Variants in CNGB3 observed in about 807,000 individuals in gnomAD.
The protein encoded by CNGB3 is cyclic nucleotide gated channel subunit beta 3.
Under a neutral mutation model 92.8 loss-of-function variants are expected in CNGB3, and 86 were observed. The ratio of observed to expected loss-of-function variants is 0.93; its 90% CI spans 0.78 to 1.11. The LOEUF (loss-of-function observed/expected upper bound fraction) is 1.11. Ranked by LOEUF, CNGB3 falls within the 50% of genes least tolerant of loss-of-function variation. The pLI is 0.00. For synonymous variants in CNGB3, 333 were observed against 332.7 expected (o/e 1.00, Z -0.01); for missense variants, 1,026 against 956.8 (o/e 1.07, Z -0.95).
Position 86,720,193 on chromosome 8 carries a change from C to G in CNGB3, c.338+6338G>C, listed in dbSNP as rs528879142. ...GCTTTTGCACAGCAAAGTAAATAATCAGCAGAGTTAACAGACAACCCACAG... is the reference window on the plus strand; with the variant it reads ...GCTTTTGCACAGCAAAGTAAATAATGAGCAGAGTTAACAGACAACCCACAG... On this transcript the variant is annotated intron_variant, in intron 3 of 17. Transcript: ENST00000320005. Among the ~76,000 whole-genome samples the G allele has an allele frequency of 9.8e-5, 15 of 152,292 alleles. No homozygotes were observed. The South Asian group carries it at 2.9e-3, about 29-fold the overall frequency.
chr8:86,692,183 A>C (rs927485663), intron 3 of CNGB3, among the ~76,000 whole-genome samples: 5 of 152,204 alleles, frequency 3.3e-5, no homozygotes, highest in Admixed American at 2.6e-4. Flanking sequence ...CGTACTTATG[A>C]AAAGAATGTA....
At position 86,578,703 on chromosome 8, in the gene CNGB3, C is replaced by A; in HGVS notation, c.2089G>T (p.Glu697Ter). The A allele has an allele frequency of 6.2e-7, 1 of 1,613,998 alleles. No homozygotes were observed. The highest frequency in any genetic ancestry group is 1.1e-5 in the South Asian group (1 of 91,070). Residue 697 changes from glutamate (E) to a stop codon, truncating the protein, a stop_gained, in exon 17 of 18, where the codon GAG becomes TAG. Transcript: ENST00000320005. LOFTEE classifies it low-confidence loss of function (END_TRUNC). ...SLARLLKLKR[E>*]QAAQKKENSE... Reference sequence around the variant, plus strand: ...CACCTTATTACCTGAGCTGCTTGCTCTCGCTTCAATTTGAGTAGTCTTGCA... The same window carrying A: ...CACCTTATTACCTGAGCTGCTTGCTATCGCTTCAATTTGAGTAGTCTTGCA...
chr8:86,664,766 C>G (rs886160286), intron 6 of CNGB3, among the ~76,000 whole-genome samples: 3 of 151,990 alleles, frequency 2.0e-5, no homozygotes, highest in African/African-American at 7.3e-5. Context: ...CCTGTAGATG[C>G]CATATTCATT....
At position 86,743,598 on chromosome 8, in the gene CNGB3, C is replaced by T. The variant is rs1825378313; in HGVS notation, c.30G>A (p.Lys10=). 1 of 1,613,970 alleles carries T rather than the reference C, an allele frequency of 6.2e-7. No homozygotes were observed. Residue 10 remains lysine, a synonymous_variant, in exon 1 of 18, where the codon AAG becomes AAA. Transcript: ENST00000320005. ...CATTGTTCTCTCCTATAGGCTTCAC[C>T]TTGTTGACTTTTGTCAGCGATTTAA... MFKSLTKVN[K]VKPIGENNEN...
At chr8:86,633,690 G>A (rs1019584363) in intron 10 of CNGB3, among the ~76,000 whole-genome samples, 3 of 152,184 alleles carry the variant, frequency 2.0e-5, no homozygotes, top group Admixed American at 6.5e-5. Context: ...GAGAGAAGCA[G>A]CAAAAATTTG....
intron 3 of CNGB3, among the ~76,000 whole-genome samples, chr8:86,683,120 A>G (rs1453162834): frequency 6.6e-6 from 1 of 152,226 alleles, no homozygotes; most frequent in African/African-American, 2.4e-5. Context: ...AAGTATAGAT[A>G]GAGACATTAT....
intron 3 of CNGB3, among the ~76,000 whole-genome samples, chr8:86,720,109 C>T (rs545233311): frequency 2.6e-5 from 4 of 152,048 alleles, no homozygotes; most frequent in African/African-American, 9.7e-5. Flanking sequence ...TGACCAAGAA[C>T]CCAAAAGCAA....
At chr8:86,721,753 A>C (rs1045917637) in intron 3 of CNGB3, among the ~76,000 whole-genome samples, 1 of 152,156 alleles carries the variant, frequency 6.6e-6, no homozygotes, top group Non-Finnish European at 1.5e-5. Context: ...TAAATTATTG[A>C]AGTATAAATT....
In CNGB3 at chr8:86,670,987, C is replaced by G; in HGVS notation, c.450G>C (p.Leu150Phe). Reference sequence around the variant, plus strand: ...CGGGTGAGGAGAGATCTCCCTCTACCAACTTTTTCTTGTAGAGGGCTGTTC... The same window carrying G: ...CGGGTGAGGAGAGATCTCCCTCTACGAACTTTTTCTTGTAGAGGGCTGTTC... ...RQRTALYKKKLVEGDLSSPEA... is the reference protein window; with the variant it reads ...RQRTALYKKKFVEGDLSSPEA... Residue 150 changes from leucine (L) to phenylalanine (F), a missense_variant, in exon 4 of 18, where the codon TTG becomes TTC. By Grantham distance (22) the Leu-to-Phe change is conservative (BLOSUM62 0). Coordinates refer to ENST00000320005, the MANE Select transcript of CNGB3 (RefSeq NM_019098.5). 3 of 1,613,082 alleles carry G rather than the reference C, an allele frequency of 1.9e-6. No homozygotes were observed. The highest frequency in any genetic ancestry group is 2.5e-6 in the Non-Finnish European group (3 of 1,179,990).
At position 86,727,841 on chromosome 8, in the gene CNGB3, C is replaced by T. The variant is rs542775201; in HGVS notation, c.212-1184G>A. ...CATATAGTTTGAAGATATAAGCAAA[C>T]CCAGTATTGAAAATTTGGATTTACA... is the stretch of plus-strand genomic sequence containing the variant. On this transcript the variant is annotated intron_variant, in intron 2 of 17. Transcript: ENST00000320005. Among the ~76,000 whole-genome samples, 9 of 152,052 alleles carry T rather than the reference C, an allele frequency of 5.9e-5. No individual in the cohort carries two copies. The South Asian group carries it at 1.9e-3, about 32-fold the overall frequency.
intron 11 of CNGB3, among the ~76,000 whole-genome samples, chr8:86,631,161 G>C (rs567368366): frequency 6.6e-6 from 1 of 152,260 alleles, no homozygotes; most frequent in East Asian, 1.9e-4. Context: ...GTATAAAACA[G>C]CACTTTTCAA....
At chr8:86,661,370 A>C (rs1823637354) in intron 6 of CNGB3, 9 of 408,632 alleles carry the variant, frequency 2.2e-5, no homozygotes, top group South Asian at 1.8e-4. Context: ...AGAAGATAAA[A>C]ATCATGTAAG....
intron 6 of CNGB3, chr8:86,659,436 G>C: frequency 3.0e-6 from 2 of 658,872 alleles, no homozygotes; most frequent in East Asian, 2.7e-5. Flanking sequence ...AAGTTGAGCT[G>C]GATTCCTGAC....
intron 15 of CNGB3, among the ~76,000 whole-genome samples, chr8:86,586,848 AC>A (rs1326449391): frequency 7.4e-6 from 1 of 134,352 alleles, no homozygotes; most frequent in African/African-American, 3.2e-5. Context: ...TTGGGTATAT[AC>A]CCAGTAATGG....
At chr8:86,699,332 A>G (rs1264506780) in intron 3 of CNGB3, among the ~76,000 whole-genome samples, 6 of 152,282 alleles carry the variant, frequency 3.9e-5, no homozygotes, top group African/African-American at 1.4e-4. Flanking sequence ...TAAGTAAACA[A>G]TAAAATCAAG....
intron 2 of CNGB3, among the ~76,000 whole-genome samples, chr8:86,737,107 G>C (rs1280903046): frequency 6.6e-6 from 1 of 152,062 alleles, no homozygotes; most frequent in Non-Finnish European, 1.5e-5. Flanking sequence ...ATGAAAGATA[G>C]TGGCAAAAAC....
chr8:86,721,889 G>A lies in CNGB3; in HGVS notation c.338+4642C>T, dbSNP rs139036761. ...TTTTTCTAGCTACTAGACAATAAAC[G>A]TCAGTGTTTATGAGTGGTGATAAGA... is the stretch of plus-strand genomic sequence containing the variant. On this transcript the variant is annotated intron_variant, in intron 3 of 17. Coordinates refer to ENST00000320005, the MANE Select transcript of CNGB3 (RefSeq NM_019098.5). Among the ~76,000 whole-genome samples, 9 of 152,182 alleles carry A rather than the reference G, an allele frequency of 5.9e-5. No homozygotes were observed. The East Asian group carries it at 7.7e-4, about 13-fold the overall frequency.
At chr8:86,699,066 C>T (rs991446745) in intron 3 of CNGB3, among the ~76,000 whole-genome samples, 3 of 152,046 alleles carry the variant, frequency 2.0e-5, no homozygotes, top group African/African-American at 7.2e-5. Context: ...AGTTTTCTTA[C>T]AATTATTAAT....
chr8:86,649,450 T>A (rs992109145), intron 7 of CNGB3, among the ~76,000 whole-genome samples: 3 of 151,316 alleles, frequency 2.0e-5, no homozygotes, highest in African/African-American at 7.3e-5. Flanking sequence ...ATAAAAGTAG[T>A]ACATAGACCA....
Sources: gnomAD v4.1 joint callset for allele counts (sites outside exome capture counted in the v4.1 genomes callset) on GRCh38, gnomAD v4.1.1 for gene constraint, MANE v1.5 for transcripts, NCBI Gene and HGNC (gene_info 2026-07-23, HGNC 2026-07-21) for gene names.